The following UGT1A9 variants were observed in gnomAD, a reference collection of about 807,000 sequenced individuals.
UGT1A9 encodes UDP glucuronosyltransferase family 1 member A9, also known as UDP-glucuronosyltransferase 1A9.
A neutral mutation model predicts 45.0 loss-of-function variants in UGT1A9; 35 were observed. The ratio of observed to expected loss-of-function variants is 0.78; its 90% CI spans 0.59 to 1.03. The LOEUF (loss-of-function observed/expected upper bound fraction) is 1.03. Among genes scored for constraint, UGT1A9 ranks in the 50% least tolerant of loss-of-function variants. UGT1A9 has a pLI of 0.00. For missense variants in UGT1A9, 687 were observed against 666.6 expected, an observed-to-expected ratio of 1.03 and a Z score of -0.34; for synonymous variants, 278 against 250.6, an observed-to-expected ratio of 1.11 and a Z score of -1.03.
intron 1 of UGT1A9, among the ~76,000 whole-genome samples, chr2:233,764,955 T>G (rs891211439): frequency 6.6e-6 from 1 of 151,792 alleles, no homozygotes; most frequent in Non-Finnish European, 1.5e-5. Flanking sequence ...GAGAGAGGGC[T>G]CACCTTGGGA....
intron 1 of UGT1A9, among the ~76,000 whole-genome samples, chr2:233,697,298 A>G (rs1046894333): frequency 6.6e-6 from 1 of 152,102 alleles, no homozygotes; most frequent in Non-Finnish European, 1.5e-5. Flanking sequence ...TTCTTCATTC[A>G]ATCTTGGTAG....
intron 1 of UGT1A9, among the ~76,000 whole-genome samples, chr2:233,709,947 T>G (rs2076099525): frequency 6.6e-6 from 1 of 152,226 alleles, no homozygotes; most frequent in Admixed American, 6.5e-5. Flanking sequence ...TGGTTTCTGT[T>G]GCTGGATAAC....
At chr2:233,760,890 A>G (rs755957493) in intron 1 of UGT1A9, 1 of 1,614,048 alleles carries the variant, frequency 6.2e-7, no homozygotes, top group South Asian at 1.1e-5. Context: ...CCTCTCATTC[A>G]GATCACATGA....
intron 1 of UGT1A9, 84 bp from the exon 2 acceptor site, chr2:233,766,950 A>G: frequency 6.2e-7 from 1 of 1,601,228 alleles, no homozygotes. Context: ...TCTTAAGAGG[A>G]AGATATCTAA....
At chr2:233,688,780 TG>T (rs1488154888) in intron 1 of UGT1A9, among the ~76,000 whole-genome samples, 1 of 152,142 alleles carries the variant, frequency 6.6e-6, no homozygotes, top group Non-Finnish European at 1.5e-5. Flanking sequence ...GCCATTCTAA[TG>T]GAGAGGAAGG....
At position 233,743,743 on chromosome 2, in the gene UGT1A9, G is replaced by A. The variant is rs745945267; in HGVS notation, c.856-23291G>A. On this transcript the variant is annotated intron_variant, in intron 1 of 4. Coordinates refer to ENST00000354728, the MANE Select transcript of UGT1A9 (RefSeq NM_021027.3). ...GGTCATAGATATCGCGTTTCTTGGC[G>A]TCCGACAACACCTCGTAGGCCTCGG... 19 of 1,367,226 alleles carry A rather than the reference G, an allele frequency of 1.4e-5. No individual in the cohort carries two copies. The Admixed American group carries it at 1.9e-4, about 14-fold the overall frequency. The allele number at this position is 1,367,226 out of a possible 1,614,324, so 84.7% of individuals were successfully genotyped here.
Position 233,769,397 on chromosome 2 carries a change from A to T in UGT1A9, c.1295+958A>T, listed in dbSNP as rs1699854250. ...TCATCCGACAATAGATACTGTGTGC[A>T]TATGTGCGTGTGCGTTTGTGCATGT... is the stretch of plus-strand genomic sequence containing the variant. On this transcript the variant is annotated intron_variant, in intron 4 of 4. Transcript: ENST00000354728. This position sits in a 1 kb window ranked among gnomAD's most constrained non-coding sequence, Gnocchi z 4.4. 1.7e-6 allele frequency: 2 copies of T among 1,148,656 alleles called. No individual in the cohort carries two copies. Among genetic ancestry groups the T allele is most frequent in the East Asian group, 2.5e-5 (1 of 39,850 alleles). 71.2% of individuals were successfully genotyped at this position (1,148,656 alleles called of 1,614,324 possible).
At chr2:233,747,977 G>A (rs1693826207) in intron 1 of UGT1A9, 1 of 1,613,358 alleles carries the variant, frequency 6.2e-7, no homozygotes, top group Non-Finnish European at 8.5e-7. Context: ...CATCTGTGTG[G>A]CTGTTCCGAG....
At chr2:233,742,666 A>G (rs1212391572) in intron 1 of UGT1A9, 1 of 152,150 alleles carries the variant, frequency 6.6e-6, no homozygotes, top group African/African-American at 2.4e-5. Context: ...TGTAACCCCA[A>G]GGTTTGTCCT....
At chr2:233,761,660 C>T (rs998044886) in intron 1 of UGT1A9, among the ~76,000 whole-genome samples, 2 of 152,246 alleles carry the variant, frequency 1.3e-5, no homozygotes, top group African/African-American at 4.8e-5. Flanking sequence ...ATGAGTGAAT[C>T]ACCAGACAGT....
chr2:233,724,386 G>A (rs1217254636), intron 1 of UGT1A9, among the ~76,000 whole-genome samples: 4 of 141,148 alleles, frequency 2.8e-5, no homozygotes, highest in Non-Finnish European at 3.1e-5. Flanking sequence ...GGGCGGAGAC[G>A]CTCCTCACTT....
In UGT1A9 at chr2:233,745,466, G is replaced by A. The variant is rs190513469; in HGVS notation, c.856-21568G>A. On this transcript the variant is annotated intron_variant, in intron 1 of 4. Transcript: ENST00000354728. ...AGTAAAGGTCACTCAGTTCTAAGGG[G>A]AAAATGATTAACCAAAGAACATTCT... Among the ~76,000 whole-genome samples, 657 of 151,722 alleles carry A rather than the reference G, an allele frequency of 4.3e-3. 15 individuals carry two copies. Among genetic ancestry groups the A allele is most frequent in the Non-Finnish European group, 5.8e-3 (396 of 68,008 alleles).
chr2:233,745,820 G>A (rs894778963), intron 1 of UGT1A9, among the ~76,000 whole-genome samples: 23 of 151,370 alleles, frequency 1.5e-4, no homozygotes, highest in African/African-American at 5.1e-4. Context: ...TGAGAGCAAG[G>A]CAGAGGACTC....
chr2:233,750,617 G>C (rs1694515709), intron 1 of UGT1A9: 1 of 151,760 alleles, frequency 6.6e-6, no homozygotes, highest in African/African-American at 2.4e-5. Context: ...TTTGTGGGCT[G>C]GGTCCATGCT....
At chr2:233,736,387 T>C (rs1375947761) in intron 1 of UGT1A9, among the ~76,000 whole-genome samples, 2 of 152,190 alleles carry the variant, frequency 1.3e-5, no homozygotes, top group African/African-American at 2.4e-5. Flanking sequence ...TTCTCTACAG[T>C]GTTTATTCTA....
At chr2:233,711,531 C>G (rs1251081299) in intron 1 of UGT1A9, among the ~76,000 whole-genome samples, 1 of 152,312 alleles carries the variant, frequency 6.6e-6, no homozygotes, top group South Asian at 2.1e-4. Context: ...CACAACTCCC[C>G]GGGAATCATC....
chr2:233,750,970 G>T (rs1694602078), intron 1 of UGT1A9, among the ~76,000 whole-genome samples: 1 of 151,844 alleles, frequency 6.6e-6, no homozygotes, highest in South Asian at 2.1e-4. Flanking sequence ...GCACTGCCTA[G>T]TGGAGTTGTG....
intron 1 of UGT1A9, chr2:233,718,800 C>T (rs779656703): frequency 5.0e-6 from 8 of 1,613,106 alleles, no homozygotes; most frequent in African/African-American, 4.0e-5. Context: ...GGACAGTCAG[C>T]TGTCGGTGGC....
chr2:233,743,530 C>A (rs781463146), intron 1 of UGT1A9: 1 of 1,367,250 alleles, frequency 7.3e-7, no homozygotes, highest in Non-Finnish European at 9.8e-7. Flanking sequence ...GCTTCCCCAG[C>A]AGTTCCTCTG....
Sources: allele counts gnomAD v4.1 joint callset (sites outside exome capture counted in the v4.1 genomes callset), GRCh38; gene constraint gnomAD v4.1.1; non-coding constraint Gnocchi (gnomAD v3.1); transcripts MANE v1.5; gene names NCBI Gene and HGNC (gene_info 2026-07-23, HGNC 2026-07-21).